Variants in COL27A1 observed in about 807,000 individuals in gnomAD.
COL27A1 encodes the protein collagen type XXVII alpha 1 chain, also known as collagen alpha-1(XXVII) chain.
Under a neutral mutation model 251.3 loss-of-function variants are expected in COL27A1, and 106 were observed. The observed-to-expected ratio is 0.42, with a 90% CI of 0.36 to 0.50. COL27A1 has a LOEUF of 0.50. Among genes scored for constraint, COL27A1 ranks in the 20% least tolerant of loss-of-function variants. COL27A1 has a pLI of 0.00. For missense variants in COL27A1, 2,325 were observed against 2,522.8 expected (o/e 0.92, Z 1.68); for synonymous variants, 1,000 against 986.3 (o/e 1.01, Z -0.26).
chr9:114,247,928 A>G lies in COL27A1; in HGVS notation c.2979+2018A>G, dbSNP rs79252810. Among the ~76,000 whole-genome samples the G allele has an allele frequency of 2.6e-5, 4 of 152,338 alleles. No individual in the cohort carries two copies. In the East Asian group the frequency reaches 7.7e-4, roughly 29 times the overall value. On this transcript the variant is annotated intron_variant, in intron 24 of 60. Transcript: ENST00000356083. Reference sequence around the variant, plus strand: ...TGGCAAAAACTGCGATTACTTTTGCAACAACCCAATAACAGTGACATTTAT... The same window carrying G: ...TGGCAAAAACTGCGATTACTTTTGCGACAACCCAATAACAGTGACATTTAT...
At position 114,264,361 on chromosome 9, in the gene COL27A1, C is replaced by A. The variant is rs1164116908; in HGVS notation, c.3202C>A (p.Arg1068=). 1 of 1,595,808 alleles carries A rather than the reference C, an allele frequency of 6.3e-7. No homozygotes were observed. The highest frequency in any genetic ancestry group is 1.1e-5 in the South Asian group (1 of 87,694). ...TCCCTTTTTCCTATTCCAGGGCCCC[C>A]GAGGACCGGACGGACCAGCTGGGGA... The part of the protein sequence containing the change: ...MRGAKGRRGP[R]GPDGPAGEQG... The change falls in exon 29 of 61, where the codon CGA becomes AGA. Residue 1068 remains arginine, a synonymous_variant. Coordinates refer to ENST00000356083, the MANE Select transcript of COL27A1 (RefSeq NM_032888.4).
At chr9:114,269,049 C>G in intron 34 of COL27A1, 192 bp from the exon 35 acceptor site, 2 of 526,630 alleles carry the variant, frequency 3.8e-6, no homozygotes, top group Non-Finnish European at 6.8e-6. Flanking sequence ...AGAAGAAGTC[C>G]GTGGACAAGG....
intron 5 of COL27A1, among the ~76,000 whole-genome samples, chr9:114,183,454 G>A (rs1331759830): frequency 1.3e-5 from 2 of 152,186 alleles, no homozygotes; most frequent in African/African-American, 4.8e-5. Context: ...AAAGCTCACT[G>A]GATGCCCTGA....
At chr9:114,265,009 CT>C in intron 30 of COL27A1, 41 bp downstream of exon 30, 1 of 1,612,372 alleles carries the variant, frequency 6.2e-7, no homozygotes. Flanking sequence ...TGCAGGCCCC[CT>C]CCCTGCTCCG....
At chr9:114,155,204 G>C (rs1848048910), upstream of COL27A1, among the ~76,000 whole-genome samples, 1 of 152,064 alleles carries the variant, frequency 6.6e-6, no homozygotes, top group Non-Finnish European at 1.5e-5. This position sits in a 1 kb window ranked among gnomAD's most constrained non-coding sequence, Gnocchi z 5.5. Flanking sequence ...TCTTCCAGGA[G>C]TAGAATTTGG....
intron 16 of COL27A1, among the ~76,000 whole-genome samples, chr9:114,234,212 TAAAAAAAAA>T (rs11415885): frequency 1.1e-5 from 1 of 89,368 alleles, no homozygotes; most frequent in Non-Finnish European, 2.1e-5. Flanking sequence ...TCTTGGACAT[TAAAAAAAAA>T]AAAAAAAAAA....
chr9:114,165,573 T>TCATC (rs201870359), intron 2 of COL27A1, among the ~76,000 whole-genome samples: 11 of 136,662 alleles, frequency 8.0e-5, no homozygotes, highest in South Asian at 7.4e-4. Context: ...ATTCATCTAT[T>TCATC]CATCCATCCA....
At chr9:114,180,818 C>T (rs1827845701) in intron 4 of COL27A1, among the ~76,000 whole-genome samples, 2 of 152,124 alleles carry the variant, frequency 1.3e-5, no homozygotes, top group Admixed American at 6.5e-5. Context: ...CTCTGCAATA[C>T]TGGAGAGGGT....
At chr9:114,294,377 A>G (rs1828131673) in intron 49 of COL27A1, among the ~76,000 whole-genome samples, 1 of 152,208 alleles carries the variant, frequency 6.6e-6, no homozygotes, top group Non-Finnish European at 1.5e-5. Flanking sequence ...AGCCACACCA[A>G]GATATTACAA....
chr9:114,226,495 T>G (rs937830924), intron 14 of COL27A1, among the ~76,000 whole-genome samples: 1 of 152,128 alleles, frequency 6.6e-6, no homozygotes, highest in African/African-American at 2.4e-5. Flanking sequence ...CAGCTCACAC[T>G]CTCCACTGTT....
At chr9:114,268,618 C>T (rs906513658) in intron 34 of COL27A1, among the ~76,000 whole-genome samples, 9 of 152,328 alleles carry the variant, frequency 5.9e-5, no homozygotes, top group Admixed American at 2.0e-4. Context: ...AATAGTCTCA[C>T]GAGAGCTTGG....
At chr9:114,255,368 C>G (rs1833853721) in intron 27 of COL27A1, among the ~76,000 whole-genome samples, 1 of 152,150 alleles carries the variant, frequency 6.6e-6, no homozygotes, top group Admixed American at 6.5e-5. Flanking sequence ...AGGGCCGAAG[C>G]CTGAGTACAA....
intron 2 of COL27A1, among the ~76,000 whole-genome samples, chr9:114,165,885 TCTAC>T (rs1848809266): frequency 6.7e-6 from 1 of 149,612 alleles, no homozygotes; most frequent in Middle Eastern, 3.2e-3. Context: ...CACCAATTCA[TCTAC>T]CTATCTATCC....
chr9:114,287,437 GT>G (rs1159773007), intron 41 of COL27A1, among the ~76,000 whole-genome samples: 3 of 152,142 alleles, frequency 2.0e-5, no homozygotes, highest in African/African-American at 4.8e-5. Flanking sequence ...GTCTACACCT[GT>G]CCTGTGGGTG....
Position 114,168,092 on chromosome 9 carries a change from G to A in COL27A1, c.537G>A (p.Val179=), listed in dbSNP as rs1338570858. 5.6e-6 allele frequency: 9 copies of A among 1,611,358 alleles called. No homozygotes were observed. The highest frequency in any genetic ancestry group is 7.6e-6 in the Non-Finnish European group (9 of 1,180,018). The change falls in exon 3 of 61, where the codon GTG becomes GTA. Residue 179 remains valine, a synonymous_variant. Transcript: ENST00000356083. ...TGACTGCCTGCGGGCAGCGCCGGGTGCCTGTCCTGCTGCCTTTCCACAGGG... is the reference window on the plus strand; with the variant it reads ...TGACTGCCTGCGGGCAGCGCCGGGTACCTGTCCTGCTGCCTTTCCACAGGG... ...TLVTACGQRR[V]PVLLPFHRDP... is the part of the protein sequence containing the mutation.
chr9:114,180,946 C>T (rs960603109), intron 4 of COL27A1, among the ~76,000 whole-genome samples: 1 of 152,174 alleles, frequency 6.6e-6, no homozygotes, highest in African/African-American at 2.4e-5. Context: ...GGAGAGGCAG[C>T]CGCCCTTGAC....
intron 11 of COL27A1, 114 bp downstream of exon 11, chr9:114,209,842 C>A: frequency 1.0e-6 from 1 of 986,560 alleles, no homozygotes; most frequent in Non-Finnish European, 1.6e-6. Flanking sequence ...AGGAGGTGCA[C>A]TTGAGTCGAG....
intron 24 of COL27A1, among the ~76,000 whole-genome samples, chr9:114,249,497 G>A (rs975584786): frequency 3.3e-5 from 5 of 152,196 alleles, no homozygotes; most frequent in East Asian, 1.9e-4. Context: ...GGGAAGGTGC[G>A]TGGTCTTTGG....
At chr9:114,157,373 C>G (rs541551411) in intron 1 of COL27A1, among the ~76,000 whole-genome samples, 1 of 152,238 alleles carries the variant, frequency 6.6e-6, no homozygotes, top group Non-Finnish European at 1.5e-5. Flanking sequence ...TGCCTCTGCT[C>G]TCCAGCATGC....
Sources: allele counts gnomAD v4.1 joint callset (sites outside exome capture counted in the v4.1 genomes callset), GRCh38; gene constraint gnomAD v4.1.1; non-coding constraint Gnocchi (gnomAD v3.1); transcripts MANE v1.5; gene names NCBI Gene and HGNC (gene_info 2026-07-23, HGNC 2026-07-21).